Variants in C8orf34 observed in about 807,000 individuals in gnomAD.
The protein encoded by C8orf34 is chromosome 8 open reading frame 34.
C8orf34 carries 65 observed loss-of-function variants against 68.3 expected under a neutral mutation model. The ratio of observed to expected loss-of-function variants is 0.95; its 90% CI spans 0.78 to 1.17. The LOEUF (loss-of-function observed/expected upper bound fraction) is 1.17. Among genes scored for constraint, C8orf34 ranks in the 50% most tolerant of loss-of-function variants. The pLI, the probability that C8orf34 is intolerant of heterozygous loss-of-function variation, is 0.00. For synonymous variants in C8orf34, 244 were observed against 241.2 expected, an observed-to-expected ratio of 1.01 and a Z score of -0.11; for missense variants, 664 against 655.4, an observed-to-expected ratio of 1.01 and a Z score of -0.14.
Position 68,774,329 on chromosome 8 carries a change from G to GTATATATATATATATATATATATATA in C8orf34, c.1405-2069_1405-2068insATATATATATATATATATATATATAT, listed in dbSNP as rs1237765866. On this transcript the variant is annotated intron_variant, in intron 10 of 13. Transcript: ENST00000518698. The stretch of plus-strand genomic sequence containing the variant: ...TCTATGTATAAAAATATGGGTGTGT[G>GTATATATATATATATATATATATATA]TGTATATATATATATATATAAAATA... Among the ~76,000 whole-genome samples, 176 of 126,824 alleles carry GTATATATATATATATATATATATATA rather than the reference G, an allele frequency of 1.4e-3. 1 individual carries two copies. Among genetic ancestry groups the GTATATATATATATATATATATATATA allele is most frequent in the African/African-American group, 4.0e-3 (115 of 29,094 alleles). The allele number at this position is 126,824 out of a possible 152,430, so 83.2% of individuals were successfully genotyped here. A position where few individuals can be genotyped will look rare whatever the true frequency, so the allele number is the denominator to read the frequency against.
At chr8:68,532,885 C>A in intron 6 of C8orf34, 98 bp from the exon 7 acceptor site, 1 of 802,724 alleles carries the variant, frequency 1.2e-6, no homozygotes, top group Non-Finnish European at 1.9e-6. Context: ...ACTTTAGTAA[C>A]ATGTCCACAT....
intron 12 of C8orf34, among the ~76,000 whole-genome samples, chr8:68,811,676 A>G (rs1198531705): frequency 2.0e-5 from 3 of 152,216 alleles, no homozygotes; most frequent in African/African-American, 7.2e-5. Context: ...TGAGCCATTG[A>G]CGTTTTAAAG....
intron 1 of C8orf34, among the ~76,000 whole-genome samples, chr8:68,368,089 C>A (rs1275888833): frequency 6.6e-6 from 1 of 152,064 alleles, no homozygotes; most frequent in African/African-American, 2.4e-5. Context: ...GTTGGAGGAT[C>A]TTTCAGCTCA....
At chr8:68,545,824 C>T (rs1206366372) in intron 7 of C8orf34, among the ~76,000 whole-genome samples, 22 of 152,052 alleles carry the variant, frequency 1.4e-4, no homozygotes, top group Admixed American at 1.4e-3. Flanking sequence ...GTAAGACTAT[C>T]TTACTTTTCA....
At chr8:68,353,805 C>T (rs971788688) in intron 1 of C8orf34, among the ~76,000 whole-genome samples, 1 of 151,586 alleles carries the variant, frequency 6.6e-6, no homozygotes, top group Non-Finnish European at 1.5e-5. Context: ...TATCTATTTA[C>T]AGAGCATTTA....
intron 1 of C8orf34, among the ~76,000 whole-genome samples, chr8:68,400,727 A>T (rs944008452): frequency 3.3e-5 from 5 of 152,000 alleles, no homozygotes; most frequent in South Asian, 2.1e-4. Context: ...TGCCCAGCTT[A>T]TGTGTCTATT....
chr8:68,502,902 C>T (rs901801710), intron 5 of C8orf34, among the ~76,000 whole-genome samples: 1 of 152,112 alleles, frequency 6.6e-6, no homozygotes, highest in Non-Finnish European at 1.5e-5. Context: ...CAACAGAAAA[C>T]TTTAATCCAG....
At chr8:68,378,913 A>T (rs1807919044) in intron 1 of C8orf34, among the ~76,000 whole-genome samples, 1 of 152,202 alleles carries the variant, frequency 6.6e-6, no homozygotes, top group South Asian at 2.1e-4. Flanking sequence ...GACATTAAAA[A>T]CATCCGGTTA....
intron 4 of C8orf34, among the ~76,000 whole-genome samples, chr8:68,487,783 C>A (rs116497899): frequency 6.6e-6 from 1 of 152,174 alleles, no homozygotes; most frequent in African/African-American, 2.4e-5. Flanking sequence ...TATGGCGCTG[C>A]TTTGTTTTTG....
chr8:68,463,813 T>C (rs1452993867), intron 3 of C8orf34, among the ~76,000 whole-genome samples: 3 of 152,182 alleles, frequency 2.0e-5, no homozygotes, highest in African/African-American at 7.2e-5. Flanking sequence ...GAGCTATTTA[T>C]GACAAACCCA....
chr8:68,382,372 TC>T (rs1393099378), intron 1 of C8orf34, among the ~76,000 whole-genome samples: 2 of 152,238 alleles, frequency 1.3e-5, no homozygotes, highest in Non-Finnish European at 2.9e-5. Context: ...TGTTTCCTCA[TC>T]TGTGATACAG....
At chr8:68,667,795 C>T (rs981448779) in intron 8 of C8orf34, among the ~76,000 whole-genome samples, 13 of 152,090 alleles carry the variant, frequency 8.5e-5, no homozygotes, top group South Asian at 2.1e-4. Flanking sequence ...GAGGGTTAAG[C>T]GAGTGACTAA....
chr8:68,423,741 G>A (rs1810085413), intron 1 of C8orf34, among the ~76,000 whole-genome samples: 1 of 152,078 alleles, frequency 6.6e-6, no homozygotes, highest in Admixed American at 6.6e-5. Context: ...AAATACCCAA[G>A]ACTGGGTAAT....
rs568095742 is a variant in C8orf34 at position 68,445,626 on chromosome 8, GA to G, written c.476-701del. On this transcript the variant is annotated intron_variant, in intron 2 of 13. Transcript: ENST00000518698. ...CAAGAGAAGATAAATTGATTTGGGT[GA>G]ATATCAATGATTTTACTTGTCATGA... Among the ~76,000 whole-genome samples, 44 of 152,186 alleles carry G rather than the reference GA, an allele frequency of 2.9e-4. 1 individual carries two copies. Among genetic ancestry groups the G allele is most frequent in the African/African-American group, 1.1e-3 (44 of 41,526 alleles).
intron 1 of C8orf34, among the ~76,000 whole-genome samples, chr8:68,348,215 G>A (rs190098990): frequency 2.6e-5 from 4 of 151,950 alleles, no homozygotes; most frequent in Admixed American, 6.6e-5. Context: ...TTGTTGAATA[G>A]GGAGTTTTTT....
intron 7 of C8orf34, chr8:68,533,854 T>C (rs1208400375): frequency 8.2e-6 from 8 of 976,696 alleles, no homozygotes; most frequent in Non-Finnish European, 4.9e-6. Flanking sequence ...GTGATCCACA[T>C]ATAAAACAAT....
intron 7 of C8orf34, among the ~76,000 whole-genome samples, chr8:68,566,769 AT>A (rs1422926661): frequency 6.6e-6 from 1 of 152,190 alleles, no homozygotes. Flanking sequence ...CTTATCATTC[AT>A]GTGTTCACTG....
At chr8:68,601,906 C>G (rs974398147) in intron 7 of C8orf34, among the ~76,000 whole-genome samples, 2 of 152,204 alleles carry the variant, frequency 1.3e-5, no homozygotes, top group South Asian at 2.1e-4. Flanking sequence ...GCACATGATC[C>G]AGGTGGATGT....
At chr8:68,725,009 A>G (rs1821786897) in intron 10 of C8orf34, among the ~76,000 whole-genome samples, 1 of 151,836 alleles carries the variant, frequency 6.6e-6, no homozygotes, top group Non-Finnish European at 1.5e-5. Flanking sequence ...CTGGGACTAC[A>G]GGTGTGCACC....
Sources: gnomAD v4.1 joint callset for allele counts (sites outside exome capture counted in the v4.1 genomes callset) on GRCh38, gnomAD v4.1.1 for gene constraint, MANE v1.5 for transcripts, NCBI Gene and HGNC (gene_info 2026-07-23, HGNC 2026-07-21) for gene names.